METTL13: variants seen among roughly 807,000 people sequenced by gnomAD.
The protein encoded by METTL13 is methyltransferase 13, eEF1A N-terminus and K55.
In METTL13, 52 loss-of-function variants were observed where a neutral mutation model predicts 67.4. The observed-to-expected ratio is 0.77, with a 90% CI of 0.62 to 0.97. METTL13 has a LOEUF of 0.97. METTL13 is among the 50% of genes least tolerant of loss of function. The pLI, the probability that METTL13 is intolerant of heterozygous loss-of-function variation, is 0.00. For missense variants in METTL13, 825 were observed against 889.6 expected (o/e 0.93, Z 0.92); for synonymous variants, 354 against 353.6 (o/e 1.00, Z -0.01).
At chr1:171,782,561 C>T (rs1355512872) in intron 1 of METTL13, among the ~76,000 whole-genome samples, 2 of 126,088 alleles carry the variant, frequency 1.6e-5, no homozygotes, top group Non-Finnish European at 3.4e-5. Flanking sequence ...GAGTGAGACC[C>T]TGTCTAAAAA....
rs1309381197 is a variant in METTL13 at position 171,784,383 on chromosome 1, G to A, written c.797G>A (p.Gly266Glu). The A allele has an allele frequency of 1.3e-6, 2 of 1,568,492 alleles. No individual in the cohort carries two copies. Among genetic ancestry groups the A allele is most frequent in the Non-Finnish European group, 1.7e-6 (2 of 1,157,238 alleles). ...CSQLRRKARL[G>E]SVSLDLCDGD... ...CAGCTGCGCCGCAAGGCCAGGCTGG[G>A]GAGTGTGTCTCTGGACTTGTGCGAT... Residue 266 changes from glycine (G) to glutamate (E), a missense_variant, in exon 2 of 8, where the codon GGG becomes GAG. Physicochemically the swap from Gly to Glu is moderately conservative, Grantham distance 98 (BLOSUM62 -2). Coordinates refer to ENST00000361735, the MANE Select transcript of METTL13 (RefSeq NM_015935.5).
intron 4 of METTL13, among the ~76,000 whole-genome samples, chr1:171,789,347 G>A (rs10913680): frequency 0.042 from 6,321 of 152,286 alleles, 453 homozygotes; most frequent in African/African-American, 0.14. Context: ...AGGGAAGGGA[G>A]TGGTGAGAGG....
rs370730795 is a variant in METTL13, at chr1:171,792,014, C to T, written c.1475-3C>T. 3.7e-6 allele frequency: 6 copies of T among 1,612,338 alleles called. No individual in the cohort carries two copies. Among genetic ancestry groups the T allele is most frequent in the Non-Finnish European group, 4.2e-6 (5 of 1,179,964 alleles). On this transcript the variant is annotated splice_polypyrimidine_tract_variant and splice_region_variant and intron_variant, in intron 5 of 7. Transcript: ENST00000361735. ...AATGTGATGCTCTATTCTTTTCTTA[C>T]AGAGATCCCACTGGCATTGTTGGTG...
In METTL13 at chr1:171,782,005, C is replaced by T. The variant is rs1404180286; in HGVS notation, c.38C>T (p.Ser13Phe). Reference sequence around the variant, plus strand: ...CCTAAAAGTTCCAGGGAGTTTGGCTCCGTTGACTATTGGGAGAAGTTCTTC... The same window carrying T: ...CCTAAAAGTTCCAGGGAGTTTGGCTTCGTTGACTATTGGGAGAAGTTCTTC... ...LLPKSSREFGSVDYWEKFFQQ... is the reference protein window; with the variant it reads ...LLPKSSREFGFVDYWEKFFQQ... The change falls in exon 1 of 8, where the codon TCC becomes TTC. Residue 13 changes from serine (S) to phenylalanine (F), a missense_variant. Transcript: ENST00000361735. 1.2e-6 allele frequency: 2 copies of T among 1,614,102 alleles called. No individual in the cohort carries two copies. Among genetic ancestry groups the T allele is most frequent in the East Asian group, 2.2e-5 (1 of 44,876 alleles).
At chr1:171,794,576 A>T in intron 7 of METTL13, 49 bp downstream of exon 7, 1 of 1,606,416 alleles carries the variant, frequency 6.2e-7, no homozygotes, top group African/African-American at 1.3e-5. Flanking sequence ...GACCATTAAC[A>T]AAAATTATCT....
intron 1 of METTL13, among the ~76,000 whole-genome samples, chr1:171,783,061 C>CT (rs56363000): frequency 0.15 from 21,316 of 138,606 alleles, 1,965 homozygotes; most frequent in Non-Finnish European, 0.21. Context: ...CCGAGAGCCA[C>CT]TTTTTTTTTT....
At chr1:171,795,257 C>T (rs1472020837) in intron 7 of METTL13, among the ~76,000 whole-genome samples, 1 of 152,172 alleles carries the variant, frequency 6.6e-6, no homozygotes, top group Non-Finnish European at 1.5e-5. Context: ...TTCGCTTATC[C>T]ATTCTACTGT....
intron 6 of METTL13, 28 bp downstream of exon 6, chr1:171,792,263 T>C: frequency 6.2e-7 from 1 of 1,611,052 alleles, no homozygotes; most frequent in Non-Finnish European, 8.5e-7. Context: ...TTTGAAGGGG[T>C]GTTGAGGGAT....
intron 4 of METTL13, among the ~76,000 whole-genome samples, chr1:171,789,925 G>A (rs1558131923): frequency 6.6e-6 from 1 of 152,072 alleles, no homozygotes; most frequent in South Asian, 2.1e-4. Context: ...TTTGTTTTAC[G>A]TTGCTTATAA....
chr1:171,781,775 G>A lies in METTL13; in HGVS notation c.-193G>A. 2 of 1,406,194 alleles carry A rather than the reference G, an allele frequency of 1.4e-6. No homozygotes were observed. The highest frequency in any genetic ancestry group is 1.9e-6 in the Non-Finnish European group (2 of 1,079,800). The allele number at this position is 1,406,194 out of a possible 1,614,324, so 87.1% of individuals were successfully genotyped here. A position where few individuals can be genotyped will look rare whatever the true frequency, so the allele number is the denominator to read the frequency against. On this transcript the variant is annotated 5_prime_UTR_variant, in exon 1 of 8. Transcript: ENST00000361735. Reference sequence around the variant, plus strand: ...GGGCAAGCGTGTGTGAGATTCAGTGGTCCATGCGTGCGTTTGTCGTGTAAG... The same window carrying A: ...GGGCAAGCGTGTGTGAGATTCAGTGATCCATGCGTGCGTTTGTCGTGTAAG...
chr1:171,784,816 T>C (rs966494897), intron 2 of METTL13, among the ~76,000 whole-genome samples: 2 of 152,122 alleles, frequency 1.3e-5, no homozygotes, highest in African/African-American at 4.8e-5. Context: ...ACATATGATA[T>C]AGAGATGCTA....
rs756342821 is a variant in METTL13, at chr1:171,787,894, T to C, written c.1273T>C (p.Ser425Pro). The C allele has an allele frequency of 9.9e-6, 16 of 1,613,826 alleles. No homozygotes were observed. The South Asian group carries it at 1.5e-4, about 16-fold the overall frequency. The part of the protein sequence containing the change: ...IFLSNRNVVQ[S>P]EARLLKDVSH... Reference sequence around the variant, plus strand: ...CCTCAGCAACAGGAATGTGGTGCAGTCCGAAGCCAGGTTGCTGAAGGATGT... The same window carrying C: ...CCTCAGCAACAGGAATGTGGTGCAGCCCGAAGCCAGGTTGCTGAAGGATGT... The change falls in exon 4 of 8, where the codon TCC becomes CCC. Residue 425 changes from serine to proline, a missense_variant. Physicochemically the swap from Ser to Pro is moderately conservative, Grantham distance 74. Coordinates refer to ENST00000361735, the MANE Select transcript of METTL13 (RefSeq NM_015935.5).
In METTL13 at chr1:171,786,989, G is replaced by A. The variant is rs1382637416; in HGVS notation, c.1114-746G>A. Among the ~76,000 whole-genome samples, 6 of 152,042 alleles carry A rather than the reference G, an allele frequency of 3.9e-5. No individual in the cohort carries two copies. The East Asian group carries it at 1.2e-3, about 29-fold the overall frequency. ...ACCCAGGCTCCTGGGTTCCTGGCCT[G>A]TGGTTTTGCCCACTAGGCTGACTCG... On this transcript the variant is annotated intron_variant, in intron 3 of 7. Coordinates refer to ENST00000361735, the MANE Select transcript of METTL13 (RefSeq NM_015935.5).
chr1:171,789,331 T>C (rs1657125966), intron 4 of METTL13, among the ~76,000 whole-genome samples: 1 of 152,214 alleles, frequency 6.6e-6, no homozygotes, highest in Non-Finnish European at 1.5e-5. Flanking sequence ...TATGATACCC[T>C]GGAGCAGGGA....
chr1:171,788,752 A>G (rs1012554881), intron 4 of METTL13, among the ~76,000 whole-genome samples: 6 of 152,222 alleles, frequency 3.9e-5, no homozygotes, highest in Non-Finnish European at 8.8e-5. Context: ...TCTCCAGTGC[A>G]TCTTCCCTGT....
intron 6 of METTL13, 40 bp downstream of exon 6, chr1:171,792,275 A>G: frequency 6.2e-7 from 1 of 1,608,316 alleles, no homozygotes; most frequent in Non-Finnish European, 8.5e-7. Flanking sequence ...TTGAGGGATG[A>G]TTGATGCGAC....
At position 171,781,928 on chromosome 1, in the gene METTL13, A is replaced by G. The variant is rs1367352776; in HGVS notation, c.-40A>G. ...GCTCCTCAAATGGTATCTCACAGGG[A>G]ATAGGGGAGTCTTGAAAACGCAGCT... On this transcript the variant is annotated 5_prime_UTR_variant, in exon 1 of 8. Transcript: ENST00000361735. 2 of 1,611,838 alleles carry G rather than the reference A, an allele frequency of 1.2e-6. No individual in the cohort carries two copies. Among genetic ancestry groups the G allele is most frequent in the South Asian group, 1.1e-5 (1 of 90,784 alleles).
In METTL13 at chr1:171,785,875, C is replaced by G; in HGVS notation, c.914-4C>G. ...ACTCCCTGTAACCAAGTTCTTTTTT[C>G]TAGTCCCTCAGGGCCGGGAGACCGA... On this transcript the variant is annotated splice_region_variant and splice_polypyrimidine_tract_variant and intron_variant, in intron 2 of 7. Coordinates refer to ENST00000361735, the MANE Select transcript of METTL13 (RefSeq NM_015935.5). 4 of 1,611,672 alleles carry G rather than the reference C, an allele frequency of 2.5e-6. No individual in the cohort carries two copies. Among genetic ancestry groups the G allele is most frequent in the Non-Finnish European group, 3.4e-6 (4 of 1,179,684 alleles).
At chr1:171,794,705 C>T (rs184397374) in intron 7 of METTL13, among the ~76,000 whole-genome samples, 178 bp downstream of exon 7, 1 of 152,358 alleles carries the variant, frequency 6.6e-6, no homozygotes, top group African/African-American at 2.4e-5. Flanking sequence ...ATCTCTTATC[C>T]CCTTTCAGTA....
Sources: allele counts gnomAD v4.1 joint callset (sites outside exome capture counted in the v4.1 genomes callset), GRCh38; gene constraint gnomAD v4.1.1; transcripts MANE v1.5; gene names NCBI Gene and HGNC (gene_info 2026-07-23, HGNC 2026-07-21).